The following DCC variants were observed in gnomAD, a reference collection of about 807,000 sequenced individuals.
DCC encodes the protein DCC netrin 1 receptor.
A neutral mutation model predicts 172.5 loss-of-function variants in DCC; 58 were observed. The ratio of observed to expected loss-of-function variants is 0.34; its 90% CI spans 0.27 to 0.42. The LOEUF is 0.42. Among genes scored for constraint, DCC ranks in the 10% least tolerant of loss-of-function variants. The pLI is 1.00. For missense variants in DCC, 1,740 were observed against 1,791.0 expected, an observed-to-expected ratio of 0.97 and a Z score of 0.51; for synonymous variants, 709 against 644.5, an observed-to-expected ratio of 1.10 and a Z score of -1.52.
At chr18:52,366,159 C>T (rs1410108339) in intron 1 of DCC, among the ~76,000 whole-genome samples, 2 of 152,182 alleles carry the variant, frequency 1.3e-5, no homozygotes, top group Non-Finnish European at 2.9e-5. Context: ...TGACTTTCCT[C>T]CTATAAACAT....
chr18:53,257,534 A>G (rs2056536269), intron 12 of DCC, among the ~76,000 whole-genome samples: 1 of 152,172 alleles, frequency 6.6e-6, no homozygotes, highest in African/African-American at 2.4e-5. Flanking sequence ...GCGTGTGTTG[A>G]ACCAGCCTTG....
At chr18:53,515,834 T>C (rs1249192929) in intron 27 of DCC, among the ~76,000 whole-genome samples, 4 of 151,990 alleles carry the variant, frequency 2.6e-5, no homozygotes, top group African/African-American at 9.7e-5. Context: ...TCCATGCTCA[T>C]GGGTAGGAAG....
chr18:52,403,655 A>G (rs1172775302), intron 1 of DCC, among the ~76,000 whole-genome samples: 1 of 152,058 alleles, frequency 6.6e-6, no homozygotes, highest in Non-Finnish European at 1.5e-5. Flanking sequence ...AAAATTATTC[A>G]GGAAAGAGCA....
rs375285217 is a variant in DCC at position 52,969,822 on chromosome 18, A to T, written c.985+44452A>T. Among the ~76,000 whole-genome samples the T allele has an allele frequency of 3.3e-5, 5 of 152,238 alleles. No individual in the cohort carries two copies. The East Asian group carries it at 9.7e-4, about 29-fold the overall frequency. ...AGCCTTCCTAGCCTTATCTCTGAGGATTAAAGAAGACATATGACTGGTTTC... is the reference window on the plus strand; with the variant it reads ...AGCCTTCCTAGCCTTATCTCTGAGGTTTAAAGAAGACATATGACTGGTTTC... On this transcript the variant is annotated intron_variant, in intron 5 of 28. Transcript: ENST00000442544.
chr18:52,964,315 T>A (rs540836167), intron 5 of DCC, among the ~76,000 whole-genome samples: 1 of 152,296 alleles, frequency 6.6e-6, no homozygotes, highest in South Asian at 2.1e-4. Context: ...CATTTAATGA[T>A]GTTGAATCTA....
At chr18:53,384,608 A>G (rs1908002469) in intron 15 of DCC, among the ~76,000 whole-genome samples, 1 of 152,004 alleles carries the variant, frequency 6.6e-6, no homozygotes. Context: ...ATTTACATAT[A>G]TCTATTCCTT....
At chr18:52,951,971 A>T (rs1401115766) in intron 5 of DCC, among the ~76,000 whole-genome samples, 1 of 152,204 alleles carries the variant, frequency 6.6e-6, no homozygotes, top group African/African-American at 2.4e-5. Flanking sequence ...AGTATTTTCA[A>T]TGAAGATGTG....
At chr18:53,210,196 T>C (rs955112075) in intron 11 of DCC, among the ~76,000 whole-genome samples, 1 of 152,208 alleles carries the variant, frequency 6.6e-6, no homozygotes, top group Non-Finnish European at 1.5e-5. Context: ...TTCTGTCTAC[T>C]TCAATCTCAT....
chr18:52,894,857 T>C (rs1340305023), intron 2 of DCC, among the ~76,000 whole-genome samples: 1 of 152,212 alleles, frequency 6.6e-6, no homozygotes, highest in Admixed American at 6.5e-5. Flanking sequence ...GACATTGTTT[T>C]ATTCAGTCTA....
intron 1 of DCC, among the ~76,000 whole-genome samples, chr18:52,747,769 A>G (rs561107730): frequency 6.6e-6 from 1 of 152,340 alleles, no homozygotes; most frequent in East Asian, 1.9e-4. Context: ...AAATCTCTCC[A>G]AATGGAACCA....
intron 27 of DCC, among the ~76,000 whole-genome samples, chr18:53,504,909 TG>T (rs1373878898): frequency 1.3e-5 from 2 of 152,062 alleles, no homozygotes; most frequent in East Asian, 1.9e-4. Flanking sequence ...TTTGGAGAAA[TG>T]TTTTTTTGTT....
Position 53,063,618 on chromosome 18 carries a change from A to T in DCC, c.1140+159A>T, listed in dbSNP as rs529180562. 2.7e-4 allele frequency: 166 copies of T among 626,096 alleles called. No individual in the cohort carries two copies. The East Asian group carries it at 4.7e-3, about 18-fold the overall frequency. 38.8% of individuals were successfully genotyped at this position (626,096 alleles called of 1,614,324 possible). Reference sequence around the variant, plus strand: ...ATAAAGCAAATGATTTTCTAGACATAAGAATATTTGAACTGAGAAAGAGTG... The same window carrying T: ...ATAAAGCAAATGATTTTCTAGACATTAGAATATTTGAACTGAGAAAGAGTG... On this transcript the variant is annotated intron_variant, in intron 6 of 28. Transcript: ENST00000442544.
chr18:52,382,310 C>T (rs1370737912), intron 1 of DCC, among the ~76,000 whole-genome samples: 1 of 152,092 alleles, frequency 6.6e-6, no homozygotes, highest in Non-Finnish European at 1.5e-5. Flanking sequence ...GCCTTTCAAA[C>T]TTCTTTTGAC....
Position 53,207,669 on chromosome 18 carries a change from A to C in DCC, c.1723-10A>C. On this transcript the variant is annotated splice_polypyrimidine_tract_variant and intron_variant, in intron 10 of 28. Transcript: ENST00000442544. ...TCCTTGATAACAGTTTTGGTGTTTT[A>C]TGTCTCCAGAATATAGAGGTTGATG... The C allele has an allele frequency of 6.2e-7, 1 of 1,613,024 alleles. No individual in the cohort carries two copies. Among genetic ancestry groups the C allele is most frequent in the Non-Finnish European group, 8.5e-7 (1 of 1,179,172 alleles).
chr18:53,371,082 G>T (rs2058056265), intron 15 of DCC, among the ~76,000 whole-genome samples: 1 of 151,780 alleles, frequency 6.6e-6, no homozygotes, highest in South Asian at 2.1e-4. Context: ...TTTATTGATA[G>T]AAATATTTTA....
chr18:53,326,702 A>G (rs566134738), intron 14 of DCC, among the ~76,000 whole-genome samples: 27 of 152,304 alleles, frequency 1.8e-4, no homozygotes, highest in Admixed American at 3.3e-4. Flanking sequence ...GACTTGCACC[A>G]AAAGTTTCTT....
At chr18:53,219,846 C>T (rs142614589) in intron 12 of DCC, among the ~76,000 whole-genome samples, 1 of 152,130 alleles carries the variant, frequency 6.6e-6, no homozygotes, top group Non-Finnish European at 1.5e-5. Flanking sequence ...CAAGTTTCTA[C>T]TCTGCAAAGC....
At chr18:52,861,031 A>AAT (rs71175528) in intron 2 of DCC, among the ~76,000 whole-genome samples, 1 of 147,122 alleles carries the variant, frequency 6.8e-6, no homozygotes, top group Non-Finnish European at 1.5e-5. Flanking sequence ...AAAAAAAAAA[A>AAT]TTTTGGCTTC....
intron 2 of DCC, among the ~76,000 whole-genome samples, chr18:52,793,349 G>C (rs1389753579): frequency 1.3e-5 from 2 of 152,154 alleles, no homozygotes. Flanking sequence ...CAGCTTGCTT[G>C]TCTTTGAGGC....
Sources: gnomAD v4.1 joint callset for allele counts (sites outside exome capture counted in the v4.1 genomes callset) on GRCh38, gnomAD v4.1.1 for gene constraint, MANE v1.5 for transcripts, NCBI Gene and HGNC (gene_info 2026-07-23, HGNC 2026-07-21) for gene names.